Variants in ZFHX3 observed in about 807,000 individuals in gnomAD.
ZFHX3 encodes the protein zinc finger homeobox 3, also known as zinc finger homeobox protein 3.
A neutral mutation model predicts 279.1 loss-of-function variants in ZFHX3; 42 were observed. The observed-to-expected ratio is 0.15, with a 90% CI of 0.12 to 0.19. ZFHX3 has a LOEUF of 0.19. ZFHX3 is among the 10% of genes least tolerant of loss of function. ZFHX3 has a pLI of 1.00. For synonymous variants in ZFHX3, 2,293 were observed against 1,957.8 expected (o/e 1.17, Z -4.52); for missense variants, 4,981 against 4,754.0 (o/e 1.05, Z -1.40).
intron 1 of ZFHX3, among the ~76,000 whole-genome samples, chr16:72,985,818 C>T (rs1030006754): frequency 2.9e-4 from 44 of 152,042 alleles, no homozygotes; most frequent in African/African-American, 8.7e-4. Context: ...CAGGCTCTGC[C>T]GGCAGAGCAG....
intron 2 of ZFHX3, among the ~76,000 whole-genome samples, chr16:73,470,574 C>G (rs775349433): frequency 6.6e-6 from 1 of 152,150 alleles, no homozygotes; most frequent in Admixed American, 6.5e-5. Context: ...AAGGCACAAA[C>G]CTTTCTGCTT....
intron 3 of ZFHX3, among the ~76,000 whole-genome samples, chr16:73,320,693 C>A (rs1190638622): frequency 6.6e-6 from 1 of 152,184 alleles, no homozygotes; most frequent in African/African-American, 2.4e-5. Context: ...TGGGCTCTGT[C>A]ATCCCATTGA....
chr16:73,697,396 T>A (rs1300348467), intron 1 of ZFHX3, among the ~76,000 whole-genome samples: 1 of 152,222 alleles, frequency 6.6e-6, no homozygotes, highest in Non-Finnish European at 1.5e-5. Flanking sequence ...AGATGCAGAC[T>A]GTTTCATTTA....
intron 2 of ZFHX3, among the ~76,000 whole-genome samples, chr16:73,503,193 G>A (rs573687019): frequency 6.6e-6 from 1 of 152,352 alleles, no homozygotes; most frequent in African/African-American, 2.4e-5. Context: ...TAGCCATGGT[G>A]ATGAGCTAGA....
intron 1 of ZFHX3, among the ~76,000 whole-genome samples, chr16:73,728,168 TAAG>T (rs2053538143): frequency 6.6e-6 from 1 of 151,954 alleles, no homozygotes; most frequent in African/African-American, 2.4e-5. Context: ...GACGTTCTTA[TAAG>T]AAAAGGAGAT....
intron 1 of ZFHX3, among the ~76,000 whole-genome samples, chr16:73,715,463 C>A (rs930249854): frequency 6.6e-6 from 1 of 151,676 alleles, no homozygotes; most frequent in Admixed American, 6.6e-5. Flanking sequence ...TCCTCACAAC[C>A]TGTGAGAGAG....
chr16:73,025,724 A>G (rs1170003464), intron 1 of ZFHX3, among the ~76,000 whole-genome samples: 4 of 152,178 alleles, frequency 2.6e-5, no homozygotes, highest in African/African-American at 9.7e-5. Flanking sequence ...ACCGAAAAAG[A>G]TAAACAGTCA....
intron 1 of ZFHX3, among the ~76,000 whole-genome samples, chr16:73,724,178 A>G (rs1049476878): frequency 3.9e-5 from 6 of 152,236 alleles, no homozygotes; most frequent in African/African-American, 1.2e-4. Context: ...GATAATAAAT[A>G]GTAATTCTGT....
intron 1 of ZFHX3, among the ~76,000 whole-genome samples, chr16:73,022,640 A>G (rs1964342092): frequency 6.6e-6 from 1 of 152,112 alleles, no homozygotes; most frequent in Admixed American, 6.5e-5. Context: ...AACCGCTGAA[A>G]CTGAGTTTCA....
At chr16:73,794,595 C>T (rs1442489970) in intron 1 of ZFHX3, among the ~76,000 whole-genome samples, 1 of 152,122 alleles carries the variant, frequency 6.6e-6, no homozygotes, top group Admixed American at 6.6e-5. Flanking sequence ...AGGGACCCCC[C>T]CTTTGCAAAT....
chr16:73,820,411 T>C (rs971403252), intron 1 of ZFHX3, among the ~76,000 whole-genome samples: 1 of 152,160 alleles, frequency 6.6e-6, no homozygotes, highest in Non-Finnish European at 1.5e-5. Context: ...TTCTGCTCCC[T>C]CTTTCTTGGA....
intron 3 of ZFHX3, among the ~76,000 whole-genome samples, chr16:73,368,836 C>A (rs1335395226): frequency 6.6e-6 from 1 of 152,118 alleles, no homozygotes; most frequent in Non-Finnish European, 1.5e-5. Flanking sequence ...CTCATGGAGG[C>A]AATTATTACC....
chr16:73,773,010 T>G (rs1018408764), intron 1 of ZFHX3, among the ~76,000 whole-genome samples: 5 of 152,144 alleles, frequency 3.3e-5, no homozygotes, highest in Non-Finnish European at 5.9e-5. Context: ...CTATCCTAGG[T>G]AGAGGATTTT....
intron 1 of ZFHX3, among the ~76,000 whole-genome samples, chr16:73,837,277 T>C (rs533970534): frequency 2.0e-5 from 3 of 152,352 alleles, no homozygotes; most frequent in Admixed American, 6.5e-5. Context: ...CAAACCTCAC[T>C]TGCCTGATAC....
At chr16:73,519,901 T>C (rs1448985962) in intron 2 of ZFHX3, among the ~76,000 whole-genome samples, 2 of 152,212 alleles carry the variant, frequency 1.3e-5, no homozygotes, top group East Asian at 1.9e-4. Flanking sequence ...CAAAAGTTTC[T>C]AGGAAATGAA....
intron 4 of ZFHX3, among the ~76,000 whole-genome samples, chr16:73,305,744 C>T (rs929958340): frequency 2.6e-5 from 4 of 151,858 alleles, no homozygotes; most frequent in African/African-American, 4.8e-5. Flanking sequence ...TTACGGTGGG[C>T]GAGGTGCCCA....
chr16:73,102,258 T>A (rs911237111), intron 7 of ZFHX3, among the ~76,000 whole-genome samples: 3 of 152,184 alleles, frequency 2.0e-5, no homozygotes, highest in Non-Finnish European at 4.4e-5. Context: ...AACTTGGAAA[T>A]GTTCACCTGA....
intron 1 of ZFHX3, among the ~76,000 whole-genome samples, chr16:73,769,763 T>G (rs12599189): frequency 0.66 from 100,531 of 151,950 alleles, 33,279 homozygotes; most frequent in East Asian, 0.79. Context: ...ATCCTACAAA[T>G]GTACCCAGGG....
intron 3 of ZFHX3, among the ~76,000 whole-genome samples, chr16:73,425,172 A>G (rs114721766): frequency 0.013 from 1,999 of 152,306 alleles, 52 homozygotes; most frequent in African/African-American, 0.045. Context: ...GCACTGTAGC[A>G]GGAGGGTGGA....
Sources: allele counts gnomAD v4.1 joint callset (sites outside exome capture counted in the v4.1 genomes callset), GRCh38; gene constraint gnomAD v4.1.1; transcripts MANE v1.5; gene names NCBI Gene and HGNC (gene_info 2026-07-23, HGNC 2026-07-21).